CPNE5: variants seen among roughly 807,000 people sequenced by gnomAD.
CPNE5 encodes the protein copine-5.
In CPNE5, 42 loss-of-function variants were observed where a neutral mutation model predicts 81.1. The observed-to-expected ratio is 0.52, with a 90% confidence interval of 0.40 to 0.67. The LOEUF (loss-of-function observed/expected upper bound fraction) is 0.67. CPNE5 is among the 30% of genes least tolerant of loss of function. The probability of loss-of-function intolerance (pLI) is 0.00; values close to 1 mark genes in which losing one functional copy is unlikely to be tolerated. For missense variants in CPNE5, 612 were observed against 815.5 expected (o/e 0.75, Z 3.04); for synonymous variants, 313 against 321.5 (o/e 0.97, Z 0.28).
Position 36,746,325 on chromosome 6 carries a change from C to A in CPNE5, c.1200+71G>T. The stretch of plus-strand genomic sequence containing the variant: ...CCCGGGCTCAGAGGAAGGGAAACGT[C>A]CCCCCACCCCCAGCTTGTCACCTCA... On this transcript the variant is annotated intron_variant, in intron 16 of 20. Transcript: ENST00000244751. This position sits in a 1 kb window ranked among gnomAD's most constrained non-coding sequence, Gnocchi z 4.5. 2 of 1,260,000 alleles carry A rather than the reference C, an allele frequency of 1.6e-6. No homozygotes were observed. Among genetic ancestry groups the A allele is most frequent in the Admixed American group, 2.5e-5 (1 of 40,196 alleles). The allele number at this position is 1,260,000 out of a possible 1,614,324, so 78.1% of individuals were successfully genotyped here.
chr6:36,769,184 G>A (rs1254314866), intron 10 of CPNE5, among the ~76,000 whole-genome samples: 1 of 152,178 alleles, frequency 6.6e-6, no homozygotes, highest in East Asian at 1.9e-4. Flanking sequence ...ATACATATTT[G>A]TTGGCTGACT....
intron 3 of CPNE5, among the ~76,000 whole-genome samples, chr6:36,800,637 G>T (rs1770025392): frequency 6.6e-6 from 1 of 152,190 alleles, no homozygotes; most frequent in South Asian, 2.1e-4. Flanking sequence ...TGCATAATCA[G>T]CTCCTCTCGA....
At chr6:36,825,700 C>A (rs1281582981) in intron 1 of CPNE5, among the ~76,000 whole-genome samples, 1 of 152,198 alleles carries the variant, frequency 6.6e-6, no homozygotes, top group Non-Finnish European at 1.5e-5. Context: ...CCGAGGCGGG[C>A]TGACTTCCCT....
At chr6:36,828,876 C>A (rs1300865322) in intron 1 of CPNE5, among the ~76,000 whole-genome samples, 2 of 152,196 alleles carry the variant, frequency 1.3e-5, no homozygotes, top group African/African-American at 4.8e-5. Flanking sequence ...TGCTATATGA[C>A]CTCTGGCATG....
At position 36,746,444 on chromosome 6, in the gene CPNE5, G is replaced by A. The variant is rs748382686; in HGVS notation, c.1152C>T (p.Phe384=). 12 of 1,612,080 alleles carry A rather than the reference G, an allele frequency of 7.4e-6. No homozygotes were observed. Among genetic ancestry groups the A allele is most frequent in the Middle Eastern group, 1.7e-4 (1 of 6,048 alleles). The change falls in exon 16 of 21, where the codon TTC becomes TTT. Residue 384 remains phenylalanine, a synonymous_variant. Coordinates refer to ENST00000244751, the MANE Select transcript of CPNE5 (RefSeq NM_020939.2). The surrounding 1 kb of genome is among the most constrained non-coding windows in gnomAD (Gnocchi z 4.5). ...TGCCATCCGGGGGCAGCTTGGCCCCGAAGCCCAGGGCAGGGAACATCTTGT... is the reference window on the plus strand; with the variant it reads ...TGCCATCCGGGGGCAGCTTGGCCCCAAAGCCCAGGGCAGGGAACATCTTGT... ...DSDKMFPALG[F]GAKLPPDGRV... is the part of the protein sequence containing the mutation.
At chr6:36,774,088 A>G (rs1344378304) in intron 10 of CPNE5, among the ~76,000 whole-genome samples, 1 of 151,562 alleles carries the variant, frequency 6.6e-6, no homozygotes, top group Non-Finnish European at 1.5e-5. Context: ...TCAATTAAAA[A>G]AAAAAAAAAA....
chr6:36,790,339 A>G (rs1768969390), intron 8 of CPNE5, among the ~76,000 whole-genome samples: 1 of 152,214 alleles, frequency 6.6e-6, no homozygotes, highest in Non-Finnish European at 1.5e-5. Context: ...CTATACCAGC[A>G]GCTCTCAAAG....
At chr6:36,768,403 TG>T (rs1040951968) in intron 10 of CPNE5, among the ~76,000 whole-genome samples, 11 of 151,918 alleles carry the variant, frequency 7.2e-5, no homozygotes, top group African/African-American at 2.7e-4. Flanking sequence ...GGCTAATTTT[TG>T]TATTTTTAGT....
intron 18 of CPNE5, 173 bp from the exon 19 acceptor site, chr6:36,744,498 G>C (rs1763906062): frequency 3.2e-6 from 2 of 624,608 alleles, no homozygotes; most frequent in Admixed American, 5.1e-5. Flanking sequence ...GGCACTCAGA[G>C]ATAAAGAGCA....
intron 3 of CPNE5, among the ~76,000 whole-genome samples, chr6:36,817,167 A>G (rs919289956): frequency 1.3e-5 from 2 of 152,080 alleles, no homozygotes; most frequent in Non-Finnish European, 2.9e-5. Context: ...CTCTACTAAA[A>G]ATACAAAATT....
rs769868557 is a variant in CPNE5, at chr6:36,799,976, C to T, written c.278G>A (p.Arg93His). ...ACCATCTTCCACTTACAGATCAAAA[C>T]GGAGGTTCTGCTTCTCCTCGAAAAA... ...DYFFEEKQNL[R>H]FDLYDVDSKS... Residue 93 changes from arginine to histidine, a missense_variant, in exon 4 of 21, where the codon CGT (arginine) becomes CAT (histidine). Transcript: ENST00000244751. The T allele has an allele frequency of 5.0e-6, 8 of 1,611,756 alleles. No individual in the cohort carries two copies. The highest frequency in any genetic ancestry group is 1.1e-5 in the South Asian group (1 of 91,028).
At chr6:36,755,297 G>C (rs1765298815) in intron 13 of CPNE5, 1 of 152,250 alleles carries the variant, frequency 6.6e-6, no homozygotes, top group African/African-American at 2.4e-5. Context: ...GGAACACAGA[G>C]AGGATGAATC....
chr6:36,797,136 A>G (rs1769656934), intron 6 of CPNE5, among the ~76,000 whole-genome samples: 1 of 152,196 alleles, frequency 6.6e-6, no homozygotes, highest in African/African-American at 2.4e-5. Flanking sequence ...CGAACTCCTG[A>G]GCTCAGGCGA....
At chr6:36,748,133 A>T (rs1362227761) in intron 15 of CPNE5, 88 bp downstream of exon 15, 3 of 1,187,060 alleles carry the variant, frequency 2.5e-6, no homozygotes, top group Admixed American at 3.4e-5. Flanking sequence ...AGAGAGTATG[A>T]GGGTCATGGT....
intron 1 of CPNE5, among the ~76,000 whole-genome samples, chr6:36,837,051 G>T (rs550925908): frequency 6.6e-6 from 1 of 152,358 alleles, no homozygotes; most frequent in Admixed American, 6.5e-5. Context: ...TATGCAAGAG[G>T]TTTGAGTCCT....
At chr6:36,756,102 C>G (rs977871539) in intron 13 of CPNE5, 143 bp downstream of exon 13, 5 of 550,120 alleles carry the variant, frequency 9.1e-6, no homozygotes, top group Non-Finnish European at 1.6e-5. Context: ...TGCCCCACCC[C>G]TCCCCACCCC....
chr6:36,800,030 T>C lies in CPNE5; in HGVS notation c.224A>G (p.Asp75Gly). Residue 75 changes from aspartate to glycine, a missense_variant, in exon 4 of 21, where the codon GAC (aspartate) becomes GGC (glycine). Transcript: ENST00000244751. The part of the protein sequence containing the change: ...TEVIDNTLNP[D>G]FVRKFIVDYF... ...ATCCACAATGAACTTGCGCACGAAG[T>C]CAGGATTGAGCGTGTTGTCGATGAC... 1 of 1,613,990 alleles carries C rather than the reference T, an allele frequency of 6.2e-7. No individual in the cohort carries two copies. Among genetic ancestry groups the C allele is most frequent in the Non-Finnish European group, 8.5e-7 (1 of 1,179,990 alleles).
At chr6:36,745,306 C>T in intron 17 of CPNE5, 82 bp downstream of exon 17, 1 of 1,507,422 alleles carries the variant, frequency 6.6e-7, no homozygotes. Context: ...GGAAGAGAAA[C>T]CCCCTCCCAC....
At position 36,774,533 on chromosome 6, in the gene CPNE5, ACCCTGCTT is replaced by A. The variant is rs558721976; in HGVS notation, c.737+420_737+427del. Among the ~76,000 whole-genome samples, 1,301 of 152,200 alleles carry A rather than the reference ACCCTGCTT, an allele frequency of 8.5e-3. 15 individuals are homozygous for A. The highest frequency in any genetic ancestry group is 0.029 in the African/African-American group (1,220 of 41,520). On this transcript the variant is annotated intron_variant, in intron 10 of 20. Transcript: ENST00000244751. ...ACCAGCTGCCTCTGCCTGCATCAAC[ACCCTGCTT>A]CCCTGCTGCCATCTGCTCCTCCACT...
Sources: allele counts gnomAD v4.1 joint callset (sites outside exome capture counted in the v4.1 genomes callset), GRCh38; gene constraint gnomAD v4.1.1; non-coding constraint Gnocchi (gnomAD v3.1); transcripts MANE v1.5; gene names NCBI Gene and HGNC (gene_info 2026-07-23, HGNC 2026-07-21).